Variants in TBL1XR1 observed in about 807,000 individuals in gnomAD.
TBL1XR1 encodes the protein TBL1X/Y related 1, also known as F-box-like/WD repeat-containing protein TBL1XR1.
Under a neutral mutation model 66.9 loss-of-function variants are expected in TBL1XR1, and 5 were observed. That is an observed-to-expected ratio of 0.07 (90% confidence interval 0.04 to 0.16). The LOEUF (loss-of-function observed/expected upper bound fraction) is 0.16. TBL1XR1 is among the 10% of genes least tolerant of loss of function. TBL1XR1 has a pLI of 1.00. For synonymous variants in TBL1XR1, 210 were observed against 206.0 expected, an observed-to-expected ratio of 1.02 and a Z score of -0.17; for missense variants, 238 against 623.2, an observed-to-expected ratio of 0.38 and a Z score of 6.58.
chr3:177,092,284 A>G (rs1722932752), intron 2 of TBL1XR1, among the ~76,000 whole-genome samples: 1 of 152,192 alleles, frequency 6.6e-6, no homozygotes, highest in Non-Finnish European at 1.5e-5. Flanking sequence ...AATAAAGGAA[A>G]AAACCTAAAT....
At chr3:177,110,566 T>C (rs1233624871) in intron 1 of TBL1XR1, among the ~76,000 whole-genome samples, 3 of 152,188 alleles carry the variant, frequency 2.0e-5, no homozygotes, top group Admixed American at 6.5e-5. Context: ...AGGATAAATG[T>C]CTGTGAAAAT....
chr3:177,057,678 G>T (rs1717976902), intron 3 of TBL1XR1, among the ~76,000 whole-genome samples: 1 of 152,042 alleles, frequency 6.6e-6, no homozygotes, highest in Admixed American at 6.6e-5. Flanking sequence ...TATAATAGGA[G>T]GCAAAAGAGA....
intron 1 of TBL1XR1, among the ~76,000 whole-genome samples, chr3:177,156,518 TAC>T (rs35566193): frequency 0.15 from 20,967 of 139,590 alleles, 2,204 homozygotes; most frequent in East Asian, 0.55. Flanking sequence ...TATATATACA[TAC>T]ACACACACAC....
In TBL1XR1 at chr3:177,177,947, C is replaced by T. The variant is rs1734352425; in HGVS notation, c.-122+19174G>A. On this transcript the variant is annotated intron_variant, in intron 1 of 15. Transcript: ENST00000457928. ...AACGTGGAGAATAAGGGTCTGATGGCTGAAAACTGCCGCGGGTGGGCAGTA... is the reference window on the plus strand; with the variant it reads ...AACGTGGAGAATAAGGGTCTGATGGTTGAAAACTGCCGCGGGTGGGCAGTA... Among the ~76,000 whole-genome samples, 3 of 151,972 alleles carry T rather than the reference C, an allele frequency of 2.0e-5. No individual in the cohort carries two copies. The South Asian group carries it at 6.2e-4, about 32-fold the overall frequency.
At chr3:177,092,281 G>GA (rs1267806293) in intron 2 of TBL1XR1, among the ~76,000 whole-genome samples, 1 of 151,864 alleles carries the variant, frequency 6.6e-6, no homozygotes, top group Non-Finnish European at 1.5e-5. Context: ...AATAATAAAG[G>GA]AAAAAACCTA....
intron 3 of TBL1XR1, among the ~76,000 whole-genome samples, chr3:177,058,008 GTTCT>G (rs1312604414): frequency 6.6e-6 from 1 of 152,102 alleles, no homozygotes; most frequent in Non-Finnish European, 1.5e-5. Flanking sequence ...TAGGGACTGT[GTTCT>G]CAAAGGGGAG....
intron 14 of TBL1XR1, among the ~76,000 whole-genome samples, chr3:177,030,316 T>C (rs1193646486): frequency 6.6e-6 from 1 of 151,722 alleles, no homozygotes; most frequent in African/African-American, 2.4e-5. Flanking sequence ...TATATTAATA[T>C]ATTCATATAA....
At position 177,038,287 on chromosome 3, in the gene TBL1XR1, T is replaced by A. The variant is rs766425654; in HGVS notation, c.1047+26A>T. On this transcript the variant is annotated intron_variant, in intron 11 of 15. Transcript: ENST00000457928. ...AACATTACTTGTTAATCATGACCACTTTAATGTGGAAAAAAGGTTTCTTAC... is the reference window on the plus strand; with the variant it reads ...AACATTACTTGTTAATCATGACCACATTAATGTGGAAAAAAGGTTTCTTAC... 6.3e-6 allele frequency: 10 copies of A among 1,593,708 alleles called. No homozygotes were observed. In the Admixed American group the frequency reaches 1.4e-4, roughly 22 times the overall value.
At chr3:177,147,193 C>T (rs1156228770) in intron 1 of TBL1XR1, among the ~76,000 whole-genome samples, 2 of 151,938 alleles carry the variant, frequency 1.3e-5, no homozygotes, top group Non-Finnish European at 2.9e-5. Context: ...ACTACAGGCA[C>T]GCATCACCAT....
intron 1 of TBL1XR1, among the ~76,000 whole-genome samples, chr3:177,157,496 T>C (rs1731659813): frequency 6.6e-6 from 1 of 152,230 alleles, no homozygotes; most frequent in African/African-American, 2.4e-5. Flanking sequence ...ATAGCACATT[T>C]GTACTCAATT....
At chr3:177,171,266 G>A (rs1374674546) in intron 1 of TBL1XR1, 2 of 152,086 alleles carry the variant, frequency 1.3e-5, no homozygotes, top group Admixed American at 6.6e-5. Flanking sequence ...CTTGGACCCA[G>A]GAGGCAGAGG....
chr3:177,191,588 A>G (rs746175391), intron 1 of TBL1XR1, among the ~76,000 whole-genome samples: 14 of 152,212 alleles, frequency 9.2e-5, no homozygotes, highest in Non-Finnish European at 1.5e-4. Context: ...TGCTAAATTA[A>G]GTATGGTTAA....
intron 1 of TBL1XR1, among the ~76,000 whole-genome samples, chr3:177,187,122 G>C (rs1364518092): frequency 6.7e-5 from 10 of 149,992 alleles, no homozygotes; most frequent in Admixed American, 6.6e-4. Context: ...AGCCGAGATC[G>C]TGCCACTGTA....
intron 1 of TBL1XR1, among the ~76,000 whole-genome samples, chr3:177,183,139 T>C: frequency 6.6e-6 from 1 of 152,222 alleles, no homozygotes; most frequent in East Asian, 1.9e-4. Flanking sequence ...ATCCATGCTC[T>C]GTCATTCAGA....
chr3:177,082,856 C>T (rs1171260268), intron 2 of TBL1XR1, among the ~76,000 whole-genome samples: 1 of 148,550 alleles, frequency 6.7e-6, no homozygotes, highest in Non-Finnish European at 1.5e-5. Flanking sequence ...CCCAGGTTCA[C>T]GCCATTCTCC....
At chr3:177,111,963 T>C (rs1577200497) in intron 1 of TBL1XR1, among the ~76,000 whole-genome samples, 1 of 150,686 alleles carries the variant, frequency 6.6e-6, no homozygotes, top group Non-Finnish European at 1.5e-5. Flanking sequence ...GTTTATTGGA[T>C]TGACTGCTAA....
At chr3:177,123,387 T>C (rs1280433950) in intron 1 of TBL1XR1, among the ~76,000 whole-genome samples, 1 of 152,052 alleles carries the variant, frequency 6.6e-6, no homozygotes, top group Non-Finnish European at 1.5e-5. Context: ...AAGCTTTCAT[T>C]TGGAGCCAAT....
chr3:177,130,388 A>C (rs971059092), intron 1 of TBL1XR1, among the ~76,000 whole-genome samples: 1 of 152,186 alleles, frequency 6.6e-6, no homozygotes. Flanking sequence ...ACAACAACAA[A>C]AACAAAACAA....
intron 1 of TBL1XR1, among the ~76,000 whole-genome samples, chr3:177,136,927 T>C (rs1214313869): frequency 1.3e-5 from 2 of 152,182 alleles, no homozygotes; most frequent in Non-Finnish European, 2.9e-5. Flanking sequence ...TTGTCATGAG[T>C]GATTAGATAA....
Sources: allele counts gnomAD v4.1 joint callset (sites outside exome capture counted in the v4.1 genomes callset), GRCh38; gene constraint gnomAD v4.1.1; transcripts MANE v1.5; gene names NCBI Gene and HGNC (gene_info 2026-07-23, HGNC 2026-07-21).